MAPK11: variants seen among roughly 807,000 people sequenced by gnomAD.
MAPK11 encodes the protein MAP kinase 11.
A neutral mutation model predicts 52.2 loss-of-function variants in MAPK11; 44 were observed. The observed-to-expected ratio is 0.84, with a 90% CI of 0.66 to 1.08. The LOEUF is 1.08. Ranked by LOEUF, MAPK11 falls within the 50% of genes least tolerant of loss-of-function variation. The pLI is 0.00. For synonymous variants in MAPK11, 233 were observed against 206.3 expected (o/e 1.13, Z -1.11); for missense variants, 436 against 494.7 (o/e 0.88, Z 1.13).
intron 2 of MAPK11, 31 bp from the exon 3 acceptor site, chr22:50,267,658 A>G: frequency 2.6e-6 from 4 of 1,514,718 alleles, no homozygotes; most frequent in Non-Finnish European, 3.5e-6. Context: ...GGGCCGGGCG[A>G]CGAACCCCCG....
chr22:50,270,348 C>A lies in MAPK11; in HGVS notation c.-56G>T. The A allele has an allele frequency of 1.4e-6, 1 of 705,982 alleles. No individual in the cohort carries two copies. Among genetic ancestry groups the A allele is most frequent in the Non-Finnish European group, 1.8e-6 (1 of 557,328 alleles). 43.7% of individuals were successfully genotyped at this position (705,982 alleles called of 1,614,324 possible). On this transcript the variant is annotated 5_prime_UTR_variant, in exon 1 of 12. Coordinates refer to ENST00000330651, the MANE Select transcript of MAPK11 (RefSeq NM_002751.7). The surrounding 1 kb of genome is among the most constrained non-coding windows in gnomAD (Gnocchi z 6.3). Reference sequence around the variant, plus strand: ...CAGCCCCGCGCCCCGCGCCCGCGCCCGAGCCGAGCCCGAGCCGAGCGGAGC... The same window carrying A: ...CAGCCCCGCGCCCCGCGCCCGCGCCAGAGCCGAGCCCGAGCCGAGCGGAGC...
At position 50,267,028 on chromosome 22, in the gene MAPK11, C is replaced by T. The variant is rs200318455; in HGVS notation, c.516G>A (p.Ala172=). 170 of 1,612,324 alleles carry T rather than the reference C, an allele frequency of 1.1e-4. No individual in the cohort carries two copies. Among genetic ancestry groups the T allele is most frequent in the Non-Finnish European group, 1.3e-4 (154 of 1,179,610 alleles). ...CELRILDFGL[A]RQADEEMTGY... ...CGGTCATCTCCTCGTCCGCCTGGCG[C>T]GCCAGCCCAAAATCCAGGATCTGGG... The change falls in exon 7 of 12, where the codon GCG becomes GCA. Residue 172 remains alanine (A), a synonymous_variant. Coordinates refer to ENST00000330651, the MANE Select transcript of MAPK11 (RefSeq NM_002751.7).
rs776611453 is a variant in MAPK11 at position 50,264,899 on chromosome 22, T to C, written c.*49A>G. On this transcript the variant is annotated 3_prime_UTR_variant, in exon 12 of 12. Coordinates refer to ENST00000330651, the MANE Select transcript of MAPK11 (RefSeq NM_002751.7). The stretch of plus-strand genomic sequence containing the variant: ...GGAAACCAGGCCAGCTGTGGAAGGG[T>C]GCAGGCCCAAGCCCCTCCACAGGCT... 10 of 1,478,492 alleles carry C rather than the reference T, an allele frequency of 6.8e-6. No individual in the cohort carries two copies. In the South Asian group the frequency reaches 1.2e-4, roughly 18 times the overall value. The allele number at this position is 1,478,492 out of a possible 1,614,324, so 91.6% of individuals were successfully genotyped here. A position where few individuals can be genotyped will look rare whatever the true frequency, so the allele number is the denominator to read the frequency against.
chr22:50,265,395 G>A lies in MAPK11; in HGVS notation c.941C>T (p.Pro314Leu), dbSNP rs747463005. 6.2e-7 allele frequency: 1 copy of A among 1,613,150 alleles called. No individual in the cohort carries two copies. Among genetic ancestry groups the A allele is most frequent in the South Asian group, 1.1e-5 (1 of 91,088 alleles). Residue 314 changes from proline to leucine, a missense_variant, in exon 11 of 12, where the codon CCC becomes CTC. Transcript: ENST00000330651. ...TGGCTCGGCCTCTGGCTCATCCTCG[G>A]GGTCGTGGTACTGGCTGAAGTAGGC... ...AHAYFSQYHD[P>L]EDEPEAEPYD...
rs563167967 is a variant in MAPK11 at position 50,267,449 on chromosome 22, C to G, written c.339G>C (p.Leu113=). The part of the protein sequence containing the change: ...YLVTTLMGAD[L]NNIVKCQALS... Reference sequence around the variant, plus strand: ...GCGCCTGGCACTTGACGATGTTGTTCAGGTCGGCGCCCATCAGGGTGGTCA... The same window carrying G: ...GCGCCTGGCACTTGACGATGTTGTTGAGGTCGGCGCCCATCAGGGTGGTCA... Residue 113 remains leucine (L), a synonymous_variant, in exon 4 of 12, where the codon CTG becomes CTC. Transcript: ENST00000330651. 7.5e-6 allele frequency: 12 copies of G among 1,609,390 alleles called. No individual in the cohort carries two copies. In the African/African-American group the frequency reaches 8.0e-5, roughly 11 times the overall value.
At position 50,267,550 on chromosome 22, in the gene MAPK11, C is replaced by T; in HGVS notation, c.305+19G>A. 6.5e-7 allele frequency: 1 copy of T among 1,539,712 alleles called. No homozygotes were observed. The highest frequency in any genetic ancestry group is 8.8e-7 in the Non-Finnish European group (1 of 1,140,940). On this transcript the variant is annotated intron_variant, in intron 3 of 11. Transcript: ENST00000330651. ...ACCGCGAACGCGCTCCCCGCTGCCT[C>T]GCCCGCCCCGCCGCTCACACTTCGC...
At position 50,264,800 on chromosome 22, in the gene MAPK11, T is replaced by C; in HGVS notation, c.*148A>G. Reference sequence around the variant, plus strand: ...ACATGTTTGTGCATGCATACATGCGTGTAGATTCTCCTGAAGGCGAGGGGT... The same window carrying C: ...ACATGTTTGTGCATGCATACATGCGCGTAGATTCTCCTGAAGGCGAGGGGT... On this transcript the variant is annotated 3_prime_UTR_variant, in exon 12 of 12. Transcript: ENST00000330651. 1.6e-6 allele frequency: 1 copy of C among 611,662 alleles called. No individual in the cohort carries two copies. The highest frequency in any genetic ancestry group is 2.0e-5 in the South Asian group (1 of 51,208). 37.9% of individuals were successfully genotyped at this position (611,662 alleles called of 1,614,324 possible).
intron 9 of MAPK11, among the ~76,000 whole-genome samples, chr22:50,265,937 C>A (rs2065258738): frequency 1.5e-5 from 2 of 135,046 alleles, no homozygotes; most frequent in African/African-American, 5.3e-5. Context: ...CCCAGCCCAC[C>A]CCCACTGCCC....
At chr22:50,265,734 G>A in intron 9 of MAPK11, 74 bp from the exon 10 acceptor site, 4 of 951,824 alleles carry the variant, frequency 4.2e-6, no homozygotes, top group Non-Finnish European at 6.4e-6. Flanking sequence ...GGCTTCTCTT[G>A]GCAAGCCCCC....
rs759387893 is a variant in MAPK11, at chr22:50,270,269, G to A, written c.24C>T (p.Phe8=). The change falls in exon 1 of 12, where the codon TTC becomes TTT. Residue 8 remains phenylalanine (F), a synonymous_variant. Coordinates refer to ENST00000330651, the MANE Select transcript of MAPK11 (RefSeq NM_002751.7). This position sits in a 1 kb window ranked among gnomAD's most constrained non-coding sequence, Gnocchi z 6.3. The part of the protein sequence containing the change: MSGPRAG[F]YRQELNKTVW... ...CGGTCTTGTTCAGCTCCTGCCGGTAGAAGCCGGCGCGAGGGCCCGACATGT... is the reference window on the plus strand; with the variant it reads ...CGGTCTTGTTCAGCTCCTGCCGGTAAAAGCCGGCGCGAGGGCCCGACATGT... 7.0e-7 allele frequency: 1 copy of A among 1,430,792 alleles called. No individual in the cohort carries two copies. The highest frequency in any genetic ancestry group is 9.2e-7 in the Non-Finnish European group (1 of 1,089,638). 88.6% of individuals were successfully genotyped at this position (1,430,792 alleles called of 1,614,324 possible). A position where few individuals can be genotyped will look rare whatever the true frequency, so the allele number is the denominator to read the frequency against.
Position 50,270,224 on chromosome 22 carries a change from C to T in MAPK11, c.69G>A (p.Arg23=), listed in dbSNP as rs747464558. ...AGCCCACCGGGCGCAGCCCCTGCAG[C>T]CGCTGCGGCACCTCCCACACGGTCT... The part of the protein sequence containing the change: ...LNKTVWEVPQ[R]LQGLRPVGSG... Residue 23 remains arginine (R), a synonymous_variant, in exon 1 of 12, where the codon CGG becomes CGA. Transcript: ENST00000330651. The surrounding 1 kb of genome is among the most constrained non-coding windows in gnomAD (Gnocchi z 6.3). 11 of 1,508,798 alleles carry T rather than the reference C, an allele frequency of 7.3e-6. No individual in the cohort carries two copies. The highest frequency in any genetic ancestry group is 9.7e-6 in the Non-Finnish European group (11 of 1,134,614). 93.5% of individuals were successfully genotyped at this position (1,508,798 alleles called of 1,614,324 possible).
At position 50,267,096 on chromosome 22, in the gene MAPK11, C is replaced by A. The variant is rs200690560; in HGVS notation, c.495+31G>T. 411 of 1,611,414 alleles carry A rather than the reference C, an allele frequency of 2.6e-4. 8 individuals carry two copies. In the South Asian group the frequency reaches 3.7e-3, roughly 14 times the overall value. On this transcript the variant is annotated intron_variant, in intron 6 of 11. Coordinates refer to ENST00000330651, the MANE Select transcript of MAPK11 (RefSeq NM_002751.7). The stretch of plus-strand genomic sequence containing the variant: ...TCAAGCTCCGCACGGGCTCCGCCGC[C>A]GCCCTGCCCACCCCTGCCCACGGGC...
rs1464608292 is a variant in MAPK11 at position 50,264,153 on chromosome 22, G to A, written c.*795C>T. The A allele has an allele frequency of 2.0e-5, 3 of 149,142 alleles. No homozygotes were observed. Among genetic ancestry groups the A allele is most frequent in the Non-Finnish European group, 3.0e-5 (2 of 67,596 alleles). 9.2% of individuals were successfully genotyped at this position (149,142 alleles called of 1,614,324 possible). ...GGTTGCCCTTTGGCCCACTGGAGCCGCCAGTCTGAAACACCCCTCAAGGCA... is the reference window on the plus strand; with the variant it reads ...GGTTGCCCTTTGGCCCACTGGAGCCACCAGTCTGAAACACCCCTCAAGGCA... On this transcript the variant is annotated 3_prime_UTR_variant, in exon 12 of 12. Transcript: ENST00000330651.
In MAPK11 at chr22:50,267,989, G is replaced by C. The variant is rs772273152; in HGVS notation, c.117-40C>G. 18 of 1,499,204 alleles carry C rather than the reference G, an allele frequency of 1.2e-5. No individual in the cohort carries two copies. The African/African-American group carries it at 2.3e-4, about 19-fold the overall frequency. The allele number at this position is 1,499,204 out of a possible 1,614,324, so 92.9% of individuals were successfully genotyped here. On this transcript the variant is annotated intron_variant, in intron 1 of 11. Transcript: ENST00000330651. Reference sequence around the variant, plus strand: ...AGTGAGGCGGCGCCGGGAGGGGTCCGAGGGCGGCCGCACGCGCGTGGACCC... The same window carrying C: ...AGTGAGGCGGCGCCGGGAGGGGTCCCAGGGCGGCCGCACGCGCGTGGACCC...
rs753751338 is a variant in MAPK11 at position 50,267,501 on chromosome 22, G to A, written c.306-19C>T. 4.0e-5 allele frequency: 63 copies of A among 1,589,112 alleles called. No individual in the cohort carries two copies. The highest frequency in any genetic ancestry group is 3.0e-4 in the East Asian group (13 of 44,042). On this transcript the variant is annotated intron_variant, in intron 3 of 11. Transcript: ENST00000330651. Reference sequence around the variant, plus strand: ...CAAGTACCTGGGGCGGGGTCAGGGGGTCAGGACAGGGCCCCACCGCCCCAC... The same window carrying A: ...CAAGTACCTGGGGCGGGGTCAGGGGATCAGGACAGGGCCCCACCGCCCCAC...
intron 8 of MAPK11, 115 bp downstream of exon 8, chr22:50,266,425 G>T: frequency 7.2e-7 from 1 of 1,388,642 alleles, no homozygotes; most frequent in Non-Finnish European, 9.8e-7. Context: ...CCAGCCCAAA[G>T]TAGCATAGCA....
chr22:50,267,514 C>T (rs1303004322), intron 3 of MAPK11, 32 bp from the exon 4 acceptor site: 1 of 1,565,222 alleles, frequency 6.4e-7, no homozygotes. Context: ...AGGACAGGGC[C>T]CCACCGCCCC....
At chr22:50,266,164 C>A in intron 9 of MAPK11, 62 bp downstream of exon 9, 1 of 1,368,324 alleles carries the variant, frequency 7.3e-7, no homozygotes, top group Admixed American at 2.1e-5. Flanking sequence ...CCACCCTCTC[C>A]CCCAGAGAGC....
In MAPK11 at chr22:50,270,186, C is replaced by T. The variant is rs1198656218; in HGVS notation, c.107G>A (p.Gly36Asp). The T allele has an allele frequency of 6.8e-7, 1 of 1,469,712 alleles. No individual in the cohort carries two copies. The highest frequency in any genetic ancestry group is 9.0e-7 in the Non-Finnish European group (1 of 1,114,050). 91.0% of individuals were successfully genotyped at this position (1,469,712 alleles called of 1,614,324 possible). The change falls in exon 1 of 12, where the codon GGC becomes GAC. Residue 36 changes from glycine to aspartate, a missense_variant. Transcript: ENST00000330651. This position sits in a 1 kb window ranked among gnomAD's most constrained non-coding sequence, Gnocchi z 6.3. The stretch of plus-strand genomic sequence containing the variant: ...TCTGCCCCGCCCCTACCAGACGGAG[C>T]CGTAGGCGCCGGAGCCCACCGGGCG... ...GLRPVGSGAY[G>D]SVCSAYDARL...
Sources: allele counts gnomAD v4.1 joint callset (sites outside exome capture counted in the v4.1 genomes callset), GRCh38; gene constraint gnomAD v4.1.1; non-coding constraint Gnocchi (gnomAD v3.1); transcripts MANE v1.5; gene names NCBI Gene and HGNC (gene_info 2026-07-23, HGNC 2026-07-21).